The following ACOXL variants were observed in gnomAD, a reference collection of about 807,000 sequenced individuals.
ACOXL encodes the protein acyl-CoA oxidase like, also known as acyl-coenzyme A oxidase-like protein.
ACOXL carries 70 observed loss-of-function variants against 71.9 expected under a neutral mutation model. The ratio of observed to expected loss-of-function variants is 0.97; its 90% CI spans 0.80 to 1.19. ACOXL has a LOEUF of 1.19. Ranked by LOEUF, ACOXL falls within the 50% of genes most tolerant of loss-of-function variation. The pLI is 0.00. For missense variants in ACOXL, 703 were observed against 736.3 expected, an observed-to-expected ratio of 0.95 and a Z score of 0.52; for synonymous variants, 253 against 281.6, an observed-to-expected ratio of 0.90 and a Z score of 1.02.
At chr2:110,915,422 A>ATTT (rs1349656274) in intron 11 of ACOXL, among the ~76,000 whole-genome samples, 2 of 126,604 alleles carry the variant, frequency 1.6e-5, no homozygotes, top group Non-Finnish European at 3.2e-5. Flanking sequence ...ATATATATAT[A>ATTT]TATATATTTT....
chr2:110,798,318 G>A (rs950033788), intron 5 of ACOXL, among the ~76,000 whole-genome samples: 4 of 150,728 alleles, frequency 2.7e-5, no homozygotes, highest in Non-Finnish European at 4.4e-5. Context: ...GTGCAGTGGC[G>A]CAATCACGGC....
chr2:110,907,668 C>G (rs560421694), intron 10 of ACOXL, among the ~76,000 whole-genome samples: 2 of 152,272 alleles, frequency 1.3e-5, no homozygotes, highest in South Asian at 4.1e-4. Flanking sequence ...AGGCTGTACT[C>G]ACGGTGCTTG....
At chr2:110,937,874 G>C (rs544899234) in intron 12 of ACOXL, among the ~76,000 whole-genome samples, 1 of 152,186 alleles carries the variant, frequency 6.6e-6, no homozygotes, top group South Asian at 2.1e-4. Context: ...ACCTTCCCTT[G>C]TAGAGGTTGT....
At chr2:111,042,941 T>C (rs764660646) in intron 15 of ACOXL, among the ~76,000 whole-genome samples, 10 of 152,092 alleles carry the variant, frequency 6.6e-5, no homozygotes, top group Non-Finnish European at 2.9e-5. Flanking sequence ...AGGGTTGGCA[T>C]TGGAGGAGCA....
At chr2:110,911,952 T>C (rs2059666326) in intron 11 of ACOXL, among the ~76,000 whole-genome samples, 1 of 152,018 alleles carries the variant, frequency 6.6e-6, no homozygotes, top group Admixed American at 6.6e-5. Flanking sequence ...CCTTCATATA[T>C]AGAAAATCTT....
intron 16 of ACOXL, among the ~76,000 whole-genome samples, chr2:111,051,577 T>C (rs896089002): frequency 6.6e-6 from 1 of 152,180 alleles, no homozygotes; most frequent in African/African-American, 2.4e-5. Context: ...CAAGGAATTC[T>C]CCTGTCTCAG....
At chr2:110,796,477 C>T (rs1685294886) in intron 5 of ACOXL, among the ~76,000 whole-genome samples, 1 of 152,152 alleles carries the variant, frequency 6.6e-6, no homozygotes, top group African/African-American at 2.4e-5. Context: ...TGCAAACTTT[C>T]CAAATCAAGC....
chr2:110,805,328 A>C lies in ACOXL; in HGVS notation c.686A>C (p.Asn229Thr), dbSNP rs773547035. The C allele has an allele frequency of 6.2e-7, 1 of 1,614,210 alleles. No individual in the cohort carries two copies. Among genetic ancestry groups the C allele is most frequent in the South Asian group, 1.1e-5 (1 of 91,084 alleles). The change falls in exon 9 of 18, where the codon AAT becomes ACT. Residue 229 changes from asparagine (N) to threonine (T), a missense_variant. Asn to Thr is a moderately conservative substitution (Grantham distance 65). Transcript: ENST00000439055. ...SPIRNKSARFNAMLAALTPSR... is the reference protein window; with the variant it reads ...SPIRNKSARFTAMLAALTPSR... Reference sequence around the variant, plus strand: ...ATTAGGAACAAGAGTGCAAGATTCAATGCCATGCTGGCAGCACTGACCCCT... The same window carrying C: ...ATTAGGAACAAGAGTGCAAGATTCACTGCCATGCTGGCAGCACTGACCCCT...
chr2:111,028,495 G>C (rs1179666842), intron 14 of ACOXL, among the ~76,000 whole-genome samples: 2 of 151,938 alleles, frequency 1.3e-5, no homozygotes, highest in Non-Finnish European at 2.9e-5. Flanking sequence ...TCCTTTTCTT[G>C]CCTTATTGCC....
chr2:110,845,868 C>G (rs1344851550), intron 10 of ACOXL, among the ~76,000 whole-genome samples: 2 of 152,194 alleles, frequency 1.3e-5, no homozygotes, highest in Admixed American at 6.5e-5. Context: ...CTCTTCGCCA[C>G]TGTGAATAAT....
intron 16 of ACOXL, among the ~76,000 whole-genome samples, chr2:111,071,420 C>T (rs141383416): frequency 2.8e-4 from 42 of 152,342 alleles, no homozygotes; most frequent in African/African-American, 1.0e-3. Flanking sequence ...TTTTTATTCA[C>T]TTTCCTATTG....
At chr2:110,982,499 C>T (rs1353045467) in intron 12 of ACOXL, among the ~76,000 whole-genome samples, 1 of 152,028 alleles carries the variant, frequency 6.6e-6, no homozygotes, top group Non-Finnish European at 1.5e-5. Context: ...AAAGATTCTC[C>T]CCGAAGACAT....
chr2:110,963,728 A>G (rs368367324), intron 12 of ACOXL: 19 of 1,613,492 alleles, frequency 1.2e-5, no homozygotes, highest in African/African-American at 6.7e-5. Flanking sequence ...GATTCGGGAA[A>G]TGTTTTCAAG....
chr2:110,734,036 A>AGCT (rs1231168056), intron 1 of ACOXL, among the ~76,000 whole-genome samples: 1 of 152,198 alleles, frequency 6.6e-6, no homozygotes, highest in African/African-American at 2.4e-5. Flanking sequence ...ATGAGAATAC[A>AGCT]GCTGCTTTCT....
chr2:110,974,550 C>T (rs550612922), intron 12 of ACOXL, among the ~76,000 whole-genome samples: 4 of 152,204 alleles, frequency 2.6e-5, no homozygotes, highest in African/African-American at 9.6e-5. Flanking sequence ...AGACAGGTCC[C>T]TTCCTAATCC....
At chr2:111,070,834 ACTGT>A (rs1176705628) in intron 16 of ACOXL, among the ~76,000 whole-genome samples, 2 of 151,980 alleles carry the variant, frequency 1.3e-5, no homozygotes, top group Non-Finnish European at 2.9e-5. Flanking sequence ...CTTGGGTCTG[ACTGT>A]CTGTGGCCTG....
At chr2:110,860,243 T>C (rs1168039873) in intron 10 of ACOXL, among the ~76,000 whole-genome samples, 1 of 152,180 alleles carries the variant, frequency 6.6e-6, no homozygotes, top group Non-Finnish European at 1.5e-5. Flanking sequence ...CCCAAGTAGC[T>C]GGGACTACAG....
At chr2:111,069,706 A>G (rs1300445161) in intron 16 of ACOXL, among the ~76,000 whole-genome samples, 1 of 152,046 alleles carries the variant, frequency 6.6e-6, no homozygotes, top group Non-Finnish European at 1.5e-5. Context: ...AAATCAACCC[A>G]ATTTTGGATT....
At chr2:110,902,163 G>C (rs2059262421) in intron 10 of ACOXL, among the ~76,000 whole-genome samples, 1 of 152,062 alleles carries the variant, frequency 6.6e-6, no homozygotes. Flanking sequence ...ACCATTACAT[G>C]TTCAACTTAA....
Sources: gnomAD v4.1 joint callset for allele counts (sites outside exome capture counted in the v4.1 genomes callset) on GRCh38, gnomAD v4.1.1 for gene constraint, MANE v1.5 for transcripts, NCBI Gene and HGNC (gene_info 2026-07-23, HGNC 2026-07-21) for gene names.